PASD1: variants seen among roughly 807,000 people sequenced by gnomAD.
PASD1 encodes the protein PAS domain containing repressor 1.
PASD1 carries 13 observed loss-of-function variants against 58.8 expected under a neutral mutation model. The observed-to-expected ratio is 0.22, with a 90% confidence interval of 0.14 to 0.35. The LOEUF is 0.35. Ranked by LOEUF, PASD1 falls within the 10% of genes least tolerant of loss-of-function variation. The pLI, the probability that PASD1 is intolerant of heterozygous loss-of-function variation, is 1.00. For missense variants in PASD1, 734 were observed against 568.3 expected (o/e 1.29, Z -2.96); for synonymous variants, 236 against 216.7 (o/e 1.09, Z -0.78).
At chrX:151,635,351 G>A (rs766409959) in intron 8 of PASD1, among the ~76,000 whole-genome samples, 2 of 111,978 alleles carry the variant, frequency 1.8e-5, no homozygotes, top group Admixed American at 9.5e-5. Context: ...CTGCTTTTAA[G>A]TGCTTTCAGA....
intron 1 of PASD1, among the ~76,000 whole-genome samples, chrX:151,564,976 G>A (rs1419807348): frequency 8.9e-6 from 1 of 111,949 alleles, no homozygotes; most frequent in Non-Finnish European, 1.9e-5. Context: ...AATCAAGAAT[G>A]TAAATTAATC....
At chrX:151,653,774 CTTT>C (rs2082449177) in intron 9 of PASD1, among the ~76,000 whole-genome samples, 1 of 5,648 alleles carries the variant, frequency 1.8e-4, no homozygotes, top group Non-Finnish European at 5.7e-4. Context: ...TTCTTTCTTT[CTTT>C]CTTTCTTTCT....
intron 9 of PASD1, among the ~76,000 whole-genome samples, chrX:151,652,337 G>A (rs1157614861): frequency 9.0e-6 from 1 of 110,879 alleles, no homozygotes. Flanking sequence ...TTCGAGACCA[G>A]CCTGACCAAT....
rs756009277 is a variant in PASD1, at chrX:151,664,259, C to A, written c.982C>A (p.Pro328Thr). The stretch of plus-strand genomic sequence containing the variant: ...AATGGACCAGCAGGACCCAGAGAAC[C>A]CAGTTGCCCCGTTGGACCAGGCAGG... ...GPMDQQDPEN[P>T]VAPLDQAGLM... is the part of the protein sequence containing the mutation. The change falls in exon 11 of 16, where the codon CCA (proline) becomes ACA (threonine). Residue 328 changes from proline to threonine, a missense_variant. By Grantham distance (38) the Pro-to-Thr change is conservative. Transcript: ENST00000370357. The A allele has an allele frequency of 8.3e-7, 1 of 1,210,941 alleles. No homozygotes were observed. Among genetic ancestry groups the A allele is most frequent in the Admixed American group, 2.2e-5 (1 of 45,972 alleles).
intron 1 of PASD1, among the ~76,000 whole-genome samples, chrX:151,596,556 A>G (rs931555545): frequency 8.9e-6 from 1 of 112,545 alleles, no homozygotes; most frequent in Non-Finnish European, 1.9e-5. Flanking sequence ...AAGCCATAGC[A>G]GACCTCTGTA....
intron 10 of PASD1, among the ~76,000 whole-genome samples, chrX:151,661,263 G>A (rs758446540): frequency 1.1e-3 from 126 of 112,167 alleles, no homozygotes; most frequent in Non-Finnish European, 1.8e-3. Context: ...GAAGTATCCA[G>A]AAACCAGAAT....
chrX:151,656,633 G>A (rs904655104), intron 9 of PASD1, among the ~76,000 whole-genome samples: 3 of 111,287 alleles, frequency 2.7e-5, no homozygotes, highest in Non-Finnish European at 5.7e-5. Context: ...GTGAATGGGA[G>A]TTCACTCATG....
intron 1 of PASD1, among the ~76,000 whole-genome samples, chrX:151,586,095 A>G (rs1204593586): frequency 9.0e-6 from 1 of 111,649 alleles, no homozygotes; most frequent in African/African-American, 3.3e-5. Context: ...GCTAGGGGAC[A>G]GGATGTAGAA....
chrX:151,613,384 A>C (rs1175605097), intron 4 of PASD1, among the ~76,000 whole-genome samples: 1 of 108,569 alleles, frequency 9.2e-6, no homozygotes, highest in Non-Finnish European at 1.9e-5. Flanking sequence ...TGGGGATGGC[A>C]TTGAATCTAT....
intron 4 of PASD1, 97 bp downstream of exon 4, chrX:151,611,850 A>G (rs749888289): frequency 7.7e-5 from 46 of 598,372 alleles, no homozygotes; most frequent in Admixed American, 1.0e-4. Flanking sequence ...TAAGTTTTAG[A>G]GTACATGTGC....
chrX:151,660,203 G>A (rs1449135889), intron 10 of PASD1, among the ~76,000 whole-genome samples: 1 of 111,734 alleles, frequency 8.9e-6, no homozygotes, highest in Non-Finnish European at 1.9e-5. Context: ...AATAAAGGGG[G>A]AAAGTGAGAG....
chrX:151,604,962 C>T (rs377146186), intron 3 of PASD1, among the ~76,000 whole-genome samples: 1 of 111,955 alleles, frequency 8.9e-6, no homozygotes, highest in African/African-American at 3.3e-5. Context: ...TTTTGAGAAC[C>T]ACTGATTTTG....
At chrX:151,668,863 C>G (rs1325528558) in intron 11 of PASD1, among the ~76,000 whole-genome samples, 1 of 107,598 alleles carries the variant, frequency 9.3e-6, no homozygotes, top group Non-Finnish European at 1.9e-5. Flanking sequence ...TTTTATGAGG[C>G]CAGCATCATC....
intron 8 of PASD1, among the ~76,000 whole-genome samples, chrX:151,633,550 C>T (rs1432648752): frequency 8.9e-6 from 1 of 111,804 alleles, no homozygotes; most frequent in East Asian, 2.8e-4. Context: ...GAAGGGATAG[C>T]AGTCTCAGGA....
chrX:151,600,515 A>G (rs192381230), intron 1 of PASD1, among the ~76,000 whole-genome samples: 55 of 110,814 alleles, frequency 5.0e-4, no homozygotes, highest in African/African-American at 1.6e-3. Context: ...TCCTGTACCC[A>G]GAGAACATGC....
At chrX:151,645,478 T>C (rs1171818204) in intron 8 of PASD1, among the ~76,000 whole-genome samples, 4 of 112,114 alleles carry the variant, frequency 3.6e-5, no homozygotes, top group Non-Finnish European at 7.5e-5. Flanking sequence ...AATTCAGCAG[T>C]GTTGAGCACT....
intron 1 of PASD1, among the ~76,000 whole-genome samples, chrX:151,565,558 C>CT (rs745371329): frequency 0.13 from 11,077 of 84,055 alleles, 1,661 homozygotes; most frequent in African/African-American, 0.39. Context: ...TTTTTCCTTA[C>CT]TTTTTTTTTT....
chrX:151,593,539 C>T (rs1017848404), intron 1 of PASD1, among the ~76,000 whole-genome samples: 3 of 110,129 alleles, frequency 2.7e-5, no homozygotes, highest in African/African-American at 1.0e-4. Context: ...ATGATGGTTC[C>T]CAGCTTCTTC....
At chrX:151,625,372 C>T (rs2124274277) in intron 7 of PASD1, 76 bp from the exon 8 acceptor site, 2 of 753,645 alleles carry the variant, frequency 2.7e-6, no homozygotes, top group Admixed American at 2.9e-5. Context: ...GAGCATGCCT[C>T]CAAAATTAAT....
Sources: allele counts gnomAD v4.1 joint callset (sites outside exome capture counted in the v4.1 genomes callset), GRCh38; gene constraint gnomAD v4.1.1; transcripts MANE v1.5; gene names NCBI Gene and HGNC (gene_info 2026-07-23, HGNC 2026-07-21).